The following PPM1L variants were observed in gnomAD, a reference collection of about 807,000 sequenced individuals.
The protein encoded by PPM1L is protein phosphatase 1L.
PPM1L carries 13 observed loss-of-function variants against 31.4 expected under a neutral mutation model. That is an observed-to-expected ratio of 0.41 (90% CI 0.27 to 0.66). PPM1L has a LOEUF of 0.66. PPM1L is among the 30% of genes least tolerant of loss of function. The pLI, the probability that PPM1L is intolerant of heterozygous loss-of-function variation, is 0.29. For synonymous variants in PPM1L, 184 were observed against 175.4 expected, an observed-to-expected ratio of 1.05 and a Z score of -0.39; for missense variants, 326 against 453.7, an observed-to-expected ratio of 0.72 and a Z score of 2.56.
chr3:160,797,798 G>A (rs62272818), intron 1 of PPM1L, among the ~76,000 whole-genome samples: 5,058 of 152,288 alleles, frequency 0.033, 121 homozygotes, highest in Middle Eastern at 0.11. Flanking sequence ...TGAAACCTGA[G>A]AGAGGTGAGG....
At chr3:161,037,290 C>T (rs1718769526) in intron 2 of PPM1L, among the ~76,000 whole-genome samples, 1 of 152,036 alleles carries the variant, frequency 6.6e-6, no homozygotes, top group South Asian at 2.1e-4. Flanking sequence ...AGGGGGAAAT[C>T]AACTGCCATG....
chr3:161,076,257 C>A lies in PPM1L; in HGVS notation c.*7100C>A, dbSNP rs1451713205. ...AAATTCCCATTTGTCTATCTTAGGA[C>A]AAATGATGACTTCTTCGTGTAGTAA... is the stretch of plus-strand genomic sequence containing the variant. On this transcript the variant is annotated 3_prime_UTR_variant, in exon 4 of 4. Transcript: ENST00000498165. The A allele has an allele frequency of 6.6e-6, 1 of 152,146 alleles. No individual in the cohort carries two copies. Among genetic ancestry groups the A allele is most frequent in the Non-Finnish European group, 1.5e-5 (1 of 68,014 alleles). The allele number at this position is 152,146 out of a possible 1,614,324, so 9.4% of individuals were successfully genotyped here. A position where few individuals can be genotyped will look rare whatever the true frequency, so the allele number is the denominator to read the frequency against.
At position 160,789,808 on chromosome 3, in the gene PPM1L, A is replaced by G. The variant is rs1010415666; in HGVS notation, c.399+33101A>G. ...TTTATTCTACTAGTATGAATCTCAC[A>G]TGATCATGTGTGTATAGTCTTCCCT... On this transcript the variant is annotated intron_variant, in intron 1 of 3. Coordinates refer to ENST00000498165, the MANE Select transcript of PPM1L (RefSeq NM_139245.4). Among the ~76,000 whole-genome samples, 8 of 151,976 alleles carry G rather than the reference A, an allele frequency of 5.3e-5. 1 individual carries two copies. Among genetic ancestry groups the G allele is most frequent in the Non-Finnish European group, 1.5e-5 (1 of 67,954 alleles).
In PPM1L at chr3:161,077,787, A is replaced by G. The variant is rs1008105643; in HGVS notation, c.*8630A>G. 2 of 152,218 alleles carry G rather than the reference A, an allele frequency of 1.3e-5. No individual in the cohort carries two copies. The highest frequency in any genetic ancestry group is 2.9e-5 in the Non-Finnish European group (2 of 68,040). The allele number at this position is 152,218 out of a possible 1,614,324, so 9.4% of individuals were successfully genotyped here. A position where few individuals can be genotyped will look rare whatever the true frequency, so the allele number is the denominator to read the frequency against. ...TCTAAGCATGGAATTTAAGTTTTGT[A>G]TTTTGAACAAAAATAGCAACATCTG... is the stretch of plus-strand genomic sequence containing the variant. On this transcript the variant is annotated 3_prime_UTR_variant, in exon 4 of 4. Transcript: ENST00000498165.
chr3:160,998,135 A>T (rs1031089383), intron 2 of PPM1L, among the ~76,000 whole-genome samples: 2 of 152,198 alleles, frequency 1.3e-5, no homozygotes, highest in Non-Finnish European at 2.9e-5. Flanking sequence ...CATTACTGGA[A>T]AAATTTCTCT....
At chr3:160,915,706 C>T (rs1363101301) in intron 1 of PPM1L, among the ~76,000 whole-genome samples, 9 of 152,156 alleles carry the variant, frequency 5.9e-5, no homozygotes, top group African/African-American at 2.2e-4. Context: ...GGTACCAAAA[C>T]AGAGATATAG....
chr3:160,877,541 T>A (rs1369539129), intron 1 of PPM1L, among the ~76,000 whole-genome samples: 1 of 76,782 alleles, frequency 1.3e-5, no homozygotes, highest in East Asian at 2.8e-4. Flanking sequence ...GTTTGTTGTC[T>A]CATGCCAAGG....
At chr3:160,928,283 C>A (rs1714668049) in intron 1 of PPM1L, among the ~76,000 whole-genome samples, 1 of 152,108 alleles carries the variant, frequency 6.6e-6, no homozygotes, top group African/African-American at 2.4e-5. Context: ...ATCTGCCTAG[C>A]ACCCTTCTTC....
chr3:161,020,522 A>T (rs1308777468), intron 2 of PPM1L, among the ~76,000 whole-genome samples: 1 of 152,224 alleles, frequency 6.6e-6, no homozygotes, highest in Non-Finnish European at 1.5e-5. Flanking sequence ...GGGAAATGCA[A>T]GTGAAATCAC....
intron 1 of PPM1L, among the ~76,000 whole-genome samples, chr3:160,851,431 G>A (rs905178890): frequency 6.6e-5 from 10 of 152,172 alleles, no homozygotes; most frequent in Admixed American, 1.3e-4. Flanking sequence ...TTTGTTAGGA[G>A]TAAATTACCG....
intron 1 of PPM1L, among the ~76,000 whole-genome samples, chr3:160,797,409 C>A (rs1049847672): frequency 2.6e-5 from 4 of 152,126 alleles, no homozygotes; most frequent in Non-Finnish European, 4.4e-5. Flanking sequence ...CCCTGAGACA[C>A]AACAATATTG....
At chr3:160,962,489 A>G (rs1716001584) in intron 2 of PPM1L, among the ~76,000 whole-genome samples, 1 of 152,086 alleles carries the variant, frequency 6.6e-6, no homozygotes, top group African/African-American at 2.4e-5. Flanking sequence ...AATTTTAATG[A>G]AATTAGTGTA....
chr3:161,027,825 A>G (rs1718451696), intron 2 of PPM1L, among the ~76,000 whole-genome samples: 2 of 152,226 alleles, frequency 1.3e-5, no homozygotes, highest in Non-Finnish European at 2.9e-5. Flanking sequence ...AAGTTTGCAA[A>G]AAAATTTGCA....
chr3:160,910,282 CTTT>C (rs1333313348), intron 1 of PPM1L, among the ~76,000 whole-genome samples: 29 of 137,280 alleles, frequency 2.1e-4, no homozygotes, highest in African/African-American at 5.7e-4. Flanking sequence ...TTCCCCTTCC[CTTT>C]CCCCTTCCCC....
chr3:160,908,288 A>G (rs1713833131), intron 1 of PPM1L, among the ~76,000 whole-genome samples: 1 of 152,204 alleles, frequency 6.6e-6, no homozygotes, highest in Non-Finnish European at 1.5e-5. Flanking sequence ...GCATGGTGTA[A>G]GAGTGCTTTT....
intron 2 of PPM1L, among the ~76,000 whole-genome samples, chr3:160,990,170 T>G (rs1271727570): frequency 6.6e-6 from 1 of 152,052 alleles, no homozygotes. Flanking sequence ...ATCTTTTTTT[T>G]GTTTGTTTTT....
intron 1 of PPM1L, among the ~76,000 whole-genome samples, chr3:160,826,400 T>G (rs1713357284): frequency 6.6e-6 from 1 of 152,190 alleles, no homozygotes; most frequent in African/African-American, 2.4e-5. Context: ...TTAATTATGC[T>G]TTCTAACATA....
intron 1 of PPM1L, among the ~76,000 whole-genome samples, chr3:160,803,740 T>C (rs1019366803): frequency 1.3e-5 from 2 of 152,246 alleles, no homozygotes; most frequent in Non-Finnish European, 2.9e-5. Context: ...GCTATTTAAT[T>C]ATGCATGACA....
chr3:160,930,612 A>G (rs1714753705), intron 1 of PPM1L, among the ~76,000 whole-genome samples: 1 of 152,190 alleles, frequency 6.6e-6, no homozygotes, highest in African/African-American at 2.4e-5. Flanking sequence ...GTTTTATTCA[A>G]ATGCCAACAG....
Sources: gnomAD v4.1 joint callset for allele counts (sites outside exome capture counted in the v4.1 genomes callset) on GRCh38, gnomAD v4.1.1 for gene constraint, MANE v1.5 for transcripts, NCBI Gene and HGNC (gene_info 2026-07-23, HGNC 2026-07-21) for gene names.